Variants in GSE1 observed in about 807,000 individuals in gnomAD.
GSE1 encodes the protein genetic suppressor element 1.
A neutral mutation model predicts 112.6 loss-of-function variants in GSE1; 32 were observed. The ratio of observed to expected loss-of-function variants is 0.28; its 90% CI spans 0.21 to 0.38. The LOEUF (loss-of-function observed/expected upper bound fraction) is 0.38. GSE1 is among the 10% of genes least tolerant of loss of function. The probability of loss-of-function intolerance (pLI) is 1.00; values close to 1 mark genes in which losing one functional copy is unlikely to be tolerated. For synonymous variants in GSE1, 1,115 were observed against 735.6 expected (o/e 1.52, Z -8.35); for missense variants, 2,348 against 1,699.2 (o/e 1.38, Z -6.71).
At chr16:85,484,785 C>T (rs532111052) in intron 2 of GSE1, among the ~76,000 whole-genome samples, 64 of 152,364 alleles carry the variant, frequency 4.2e-4, no homozygotes, top group African/African-American at 1.4e-3. Flanking sequence ...TGCGCCGGCT[C>T]TGTGCCTGGG....
chr16:85,188,691 C>T (rs937971879), intron 1 of GSE1, among the ~76,000 whole-genome samples: 17 of 151,440 alleles, frequency 1.1e-4, no homozygotes, highest in African/African-American at 2.4e-4. Context: ...GTTCCAGATA[C>T]GGGGGAGGCT....
chr16:85,386,925 T>C (rs1006470152), intron 2 of GSE1, among the ~76,000 whole-genome samples: 1 of 152,136 alleles, frequency 6.6e-6, no homozygotes, highest in Admixed American at 6.5e-5. Flanking sequence ...GGGTGGACTT[T>C]GGAAGGGACA....
chr16:85,644,600 C>T (rs1443251267), intron 2 of GSE1, among the ~76,000 whole-genome samples: 6 of 152,166 alleles, frequency 3.9e-5, no homozygotes, highest in Non-Finnish European at 5.9e-5. Flanking sequence ...GATGTGAAGT[C>T]TCCGGAACAG....
At chr16:85,339,148 C>T (rs549848367) in intron 1 of GSE1, among the ~76,000 whole-genome samples, 2 of 152,328 alleles carry the variant, frequency 1.3e-5, no homozygotes, top group East Asian at 3.9e-4. Flanking sequence ...TGTCATTTCC[C>T]TCCCCACCAG....
At chr16:85,653,524 C>G (rs1291938483) in intron 3 of GSE1, among the ~76,000 whole-genome samples, 1 of 151,292 alleles carries the variant, frequency 6.6e-6, no homozygotes, top group Non-Finnish European at 1.5e-5. Context: ...GAGAAGACCC[C>G]TCATCTGAGT....
Position 85,404,245 on chromosome 16 carries a change from T to C in GSE1, c.2464+46602T>C, listed in dbSNP as rs35558915. 1.4e-3 allele frequency among the ~76,000 whole-genome samples: 56 copies of C among 38,808 alleles called. 1 individual carries two copies. Among genetic ancestry groups the C allele is most frequent in the African/African-American group, 2.5e-3 (20 of 7,902 alleles). The allele number at this position is 38,808 out of a possible 152,430, so 25.5% of individuals were successfully genotyped here. A position where few individuals can be genotyped will look rare whatever the true frequency, so the allele number is the denominator to read the frequency against. On this transcript the variant is annotated intron_variant, in intron 2 of 2. Coordinates refer to the GSE1 transcript ENST00000637419. The stretch of plus-strand genomic sequence containing the variant: ...TACACTCAGGGCCCCCCCGGATAAT[T>C]CTCACTGTTACACTCAGGGCTCCCC...
At chr16:85,649,149 C>G (rs970708909) in intron 3 of GSE1, among the ~76,000 whole-genome samples, 1 of 152,194 alleles carries the variant, frequency 6.6e-6, no homozygotes, top group Non-Finnish European at 1.5e-5. Context: ...CTCCTCTTCT[C>G]ATAAGGACAC....
At chr16:85,169,553 G>T in exon 1 of GSE1, 1 of 973,790 alleles carries the variant, frequency 1.0e-6, no homozygotes, top group Non-Finnish European at 1.2e-6. Flanking sequence ...CCGGTCTCCC[G>T]CAAGCAGCGG....
intron 2 of GSE1, among the ~76,000 whole-genome samples, chr16:85,639,113 G>A (rs940286951): frequency 6.6e-6 from 1 of 152,190 alleles, no homozygotes. Context: ...TCTGAGCCGA[G>A]GCGTCCCTGA....
intron 2 of GSE1, among the ~76,000 whole-genome samples, chr16:85,541,422 C>T (rs1229267935): frequency 6.6e-6 from 1 of 152,264 alleles, no homozygotes; most frequent in Non-Finnish European, 1.5e-5. Context: ...TGGCACAGGC[C>T]TCACTGTCCT....
intron 2 of GSE1, among the ~76,000 whole-genome samples, chr16:85,496,487 G>A (rs1377667597): frequency 4.6e-5 from 7 of 152,244 alleles, no homozygotes; most frequent in South Asian, 2.1e-4. Context: ...CTGGCGAGGC[G>A]GGCAGCCCGG....
rs554254323 is a variant in GSE1 at position 85,602,542 on chromosome 16, C to T, written c.38-46010C>T. Among the ~76,000 whole-genome samples, 272 of 152,184 alleles carry T rather than the reference C, an allele frequency of 1.8e-3. 3 individuals are homozygous for T. Among genetic ancestry groups the T allele is most frequent in the Non-Finnish European group, 2.4e-3 (166 of 67,976 alleles). On this transcript the variant is annotated intron_variant, in intron 1 of 2. Coordinates refer to the GSE1 transcript ENST00000635906. ...GATCCCTGCCCGACCCACATCTGTC[C>T]TGGGCCTAGGGTGACCCGCTGCTCC...
At chr16:85,630,445 A>C (rs933991042) in intron 1 of GSE1, among the ~76,000 whole-genome samples, 1 of 152,038 alleles carries the variant, frequency 6.6e-6, no homozygotes, top group African/African-American at 2.4e-5. Context: ...CTGGGCTCAA[A>C]TAATCCTCCC....
intron 1 of GSE1, among the ~76,000 whole-genome samples, chr16:85,562,508 T>C (rs1377609069): frequency 6.6e-6 from 1 of 152,268 alleles, no homozygotes; most frequent in African/African-American, 2.4e-5. Flanking sequence ...CTTTGTACTC[T>C]GGGAGCAAAT....
chr16:85,355,797 G>T (rs1464088306), intron 1 of GSE1, among the ~76,000 whole-genome samples: 1 of 152,164 alleles, frequency 6.6e-6, no homozygotes, highest in African/African-American at 2.4e-5. Context: ...GAAGCAGGCG[G>T]ATCACTTGAG....
At chr16:85,484,783 C>G (rs1241124006) in intron 2 of GSE1, among the ~76,000 whole-genome samples, 4 of 152,254 alleles carry the variant, frequency 2.6e-5, no homozygotes, top group Non-Finnish European at 4.4e-5. Flanking sequence ...CATGCGCCGG[C>G]TCTGTGCCTG....
intron 2 of GSE1, among the ~76,000 whole-genome samples, chr16:85,519,564 T>C (rs893977112): frequency 0.2 from 66 of 324 alleles, 24 homozygotes; most frequent in African/African-American, 0.28. Flanking sequence ...ATCACTATCA[T>C]CATCACCATC....
intron 2 of GSE1, among the ~76,000 whole-genome samples, chr16:85,508,947 G>A (rs527482283): frequency 5.9e-5 from 9 of 152,306 alleles, no homozygotes; most frequent in South Asian, 2.1e-4. Flanking sequence ...GGACAACAGC[G>A]CTGCTGGTCA....
chr16:85,661,221 G>T lies in GSE1; in HGVS notation c.1716G>T (p.Ser572=). 1 of 1,609,292 alleles carries T rather than the reference G, an allele frequency of 6.2e-7. No individual in the cohort carries two copies. Among genetic ancestry groups the T allele is most frequent in the Non-Finnish European group, 8.5e-7 (1 of 1,177,096 alleles). ...QHFGGPPPLI[S]PKPQLHAAPT... ...TTGGGGGGCCACCACCTCTGATTTC[G>T]CCCAAGCCCCAGCTCCATGCTGCAC... The change falls in exon 9 of 16, where the codon TCG becomes TCT. Residue 572 remains serine (S), a synonymous_variant. Coordinates refer to ENST00000253458, the MANE Select transcript of GSE1 (RefSeq NM_014615.5).
Sources: gnomAD v4.1 joint callset for allele counts (sites outside exome capture counted in the v4.1 genomes callset) on GRCh38, gnomAD v4.1.1 for gene constraint, MANE v1.5 for transcripts, NCBI Gene and HGNC (gene_info 2026-07-23, HGNC 2026-07-21) for gene names.